The following RADX variants were observed in gnomAD, a reference collection of about 807,000 sequenced individuals.
RADX encodes RPA-related protein RADX.
A neutral mutation model predicts 61.6 loss-of-function variants in RADX; 36 were observed. The observed-to-expected ratio is 0.58, with a 90% confidence interval of 0.45 to 0.77. The LOEUF is 0.77. Ranked by LOEUF, RADX falls within the 30% of genes least tolerant of loss-of-function variation. RADX has a pLI of 0.00. For missense variants in RADX, 497 were observed against 651.1 expected (o/e 0.76, Z 2.58); for synonymous variants, 272 against 237.9 (o/e 1.14, Z -1.32).
intron 3 of RADX, among the ~76,000 whole-genome samples, chrX:106,629,126 AT>A (rs200849029): frequency 0.11 from 12,127 of 111,169 alleles, 1,640 homozygotes; most frequent in African/African-American, 0.38. Context: ...AAATCTTGAG[AT>A]TTTTCAGACT....
chrX:106,678,015 G>A (rs1928550093), intron 13 of RADX, 113 bp from the exon 14 acceptor site: 3 of 427,301 alleles, frequency 7.0e-6, no homozygotes, highest in Non-Finnish European at 1.2e-5. Context: ...AAGAGGGAGA[G>A]GATGGGGCAC....
chrX:106,637,371 A>G (rs1927384203), intron 7 of RADX, among the ~76,000 whole-genome samples: 2 of 112,533 alleles, frequency 1.8e-5, no homozygotes, highest in Non-Finnish European at 3.8e-5. Flanking sequence ...CCATATTCAT[A>G]GGAAGTTTCA....
At chrX:106,667,732 A>G (rs1928265061) in intron 12 of RADX, among the ~76,000 whole-genome samples, 3 of 112,042 alleles carry the variant, frequency 2.7e-5, no homozygotes, top group African/African-American at 6.5e-5. Context: ...AATATCAATA[A>G]CACACTAATA....
At chrX:106,675,915 A>G (rs1928497972) in intron 13 of RADX, among the ~76,000 whole-genome samples, 1 of 111,579 alleles carries the variant, frequency 9.0e-6, no homozygotes, top group African/African-American at 3.3e-5. Flanking sequence ...TAAATGCTTT[A>G]TGTGTATTCA....
In RADX at chrX:106,618,282, G is replaced by A. The variant is rs994581596; in HGVS notation, c.644-4369G>A. Reference sequence around the variant, plus strand: ...AGACGGAAAACAGTAAAGAAAGGCCGTTAGGCTGGAGTGTAATTATTTAAA... The same window carrying A: ...AGACGGAAAACAGTAAAGAAAGGCCATTAGGCTGGAGTGTAATTATTTAAA... On this transcript the variant is annotated intron_variant, in intron 1 of 13. Transcript: ENST00000372548. 9.0e-5 allele frequency among the ~76,000 whole-genome samples: 10 copies of A among 111,066 alleles called. No individual in the cohort carries two copies. The East Asian group carries it at 2.0e-3, about 22-fold the overall frequency.
chrX:106,650,708 G>C (rs771242823), intron 11 of RADX, among the ~76,000 whole-genome samples: 3 of 111,451 alleles, frequency 2.7e-5, no homozygotes, highest in African/African-American at 9.8e-5. Flanking sequence ...ACCACATCCA[G>C]CTCTAAAATA....
intron 1 of RADX, among the ~76,000 whole-genome samples, chrX:106,613,589 ATGT>A (rs751231677): frequency 8.9e-6 from 1 of 112,267 alleles, no homozygotes; most frequent in East Asian, 2.8e-4. Flanking sequence ...CCCTTTTACA[ATGT>A]TGTCACAATG....
chrX:106,631,840 GAAAAAAGAAA>G (rs1166855633), intron 3 of RADX, among the ~76,000 whole-genome samples: 1 of 108,228 alleles, frequency 9.2e-6, no homozygotes, highest in Non-Finnish European at 1.9e-5. Context: ...AAGAAAGAAA[GAAAAAAGAAA>G]GAAAAAGAGA....
chrX:106,640,906 G>C (rs1927496946), intron 10 of RADX, among the ~76,000 whole-genome samples, 185 bp downstream of exon 10: 2 of 111,068 alleles, frequency 1.8e-5, no homozygotes, highest in African/African-American at 6.6e-5. Flanking sequence ...TAGAGTTCAA[G>C]ATCAAGGTGT....
chrX:106,629,073 C>T (rs1201590475), intron 3 of RADX, among the ~76,000 whole-genome samples: 1 of 111,624 alleles, frequency 9.0e-6, no homozygotes, highest in Non-Finnish European at 1.9e-5. Context: ...ATACCTTTTA[C>T]AAAATAGTAC....
intron 2 of RADX, among the ~76,000 whole-genome samples, 173 bp downstream of exon 2, chrX:106,622,966 G>T (rs1380084017): frequency 9.0e-6 from 1 of 111,155 alleles, no homozygotes; most frequent in Admixed American, 9.5e-5. Context: ...ATAATTTATT[G>T]TACAAAAAGA....
chrX:106,613,244 A>G (rs1262830608), intron 1 of RADX, among the ~76,000 whole-genome samples: 1 of 111,973 alleles, frequency 8.9e-6, no homozygotes, highest in Non-Finnish European at 1.9e-5. Context: ...GCCGTGTAAC[A>G]GTTATGTAAA....
At chrX:106,650,050 G>A (rs1025469434) in intron 11 of RADX, among the ~76,000 whole-genome samples, 1 of 111,257 alleles carries the variant, frequency 9.0e-6, no homozygotes, top group Non-Finnish European at 1.9e-5. Context: ...ATGGGAAGGA[G>A]AGTCCAGACC....
At chrX:106,656,728 T>C (rs1215785829) in intron 11 of RADX, among the ~76,000 whole-genome samples, 1 of 111,403 alleles carries the variant, frequency 9.0e-6, no homozygotes, top group Non-Finnish European at 1.9e-5. Flanking sequence ...TAAGCAGTAA[T>C]ATTTTGAGGG....
rs1928303186 is a variant in RADX, at chrX:106,669,160, C to T, written c.2270-3C>T. ...TTAATAATGTGTGAACTTTCTTTAA[C>T]AGGTCTGAACCATGAGATAGCAATC... On this transcript the variant is annotated splice_region_variant and splice_polypyrimidine_tract_variant and intron_variant, in intron 12 of 13. Transcript: ENST00000372548. 8.3e-7 allele frequency: 1 copy of T among 1,197,739 alleles called. No homozygotes were observed. The highest frequency in any genetic ancestry group is 1.8e-5 in the African/African-American group (1 of 56,836).
chrX:106,631,471 G>A (rs910854712), intron 3 of RADX, among the ~76,000 whole-genome samples: 1 of 110,470 alleles, frequency 9.1e-6, no homozygotes, highest in African/African-American at 3.3e-5. Flanking sequence ...GCTCTGGGAG[G>A]CTGATTCTGG....
At chrX:106,671,882 G>A (rs1423325950) in intron 13 of RADX, among the ~76,000 whole-genome samples, 1 of 111,418 alleles carries the variant, frequency 9.0e-6, no homozygotes, top group African/African-American at 3.3e-5. Context: ...GCATATTAAA[G>A]AAATTAACCT....
intron 3 of RADX, among the ~76,000 whole-genome samples, chrX:106,631,817 A>G (rs752026492): frequency 1.8e-5 from 2 of 108,876 alleles, no homozygotes; most frequent in Non-Finnish European, 3.8e-5. Flanking sequence ...AAGAAAGAGA[A>G]AGAAAGAAAG....
At chrX:106,677,852 C>T (rs945774323) in intron 13 of RADX, among the ~76,000 whole-genome samples, 2 of 110,264 alleles carry the variant, frequency 1.8e-5, no homozygotes, top group Admixed American at 1.9e-4. Flanking sequence ...TTATTTTGCT[C>T]CACCAAGAAC....
Sources: gnomAD v4.1 joint callset for allele counts (sites outside exome capture counted in the v4.1 genomes callset) on GRCh38, gnomAD v4.1.1 for gene constraint, MANE v1.5 for transcripts, NCBI Gene and HGNC (gene_info 2026-07-23, HGNC 2026-07-21) for gene names.